Variants in KHDRBS2 observed in about 807,000 individuals in gnomAD.
KHDRBS2 encodes KH RNA binding domain containing, signal transduction associated 2.
In KHDRBS2, 26 loss-of-function variants were observed where a neutral mutation model predicts 44.3. The observed-to-expected ratio is 0.59, with a 90% CI of 0.43 to 0.81. The LOEUF (loss-of-function observed/expected upper bound fraction) is 0.81. Among genes scored for constraint, KHDRBS2 ranks in the 40% least tolerant of loss-of-function variants. The pLI is 0.00. For missense variants in KHDRBS2, 476 were observed against 433.1 expected (o/e 1.10, Z -0.88); for synonymous variants, 194 against 151.1 (o/e 1.28, Z -2.08).
At chr6:61,667,783 T>C in the KHDRBS2 span, among the ~76,000 whole-genome samples, 1 of 151,332 alleles carries the variant, frequency 6.6e-6, no homozygotes. Flanking sequence ...CAGGCTAGCA[T>C]TACTAGCATT....
intron 3 of KHDRBS2, among the ~76,000 whole-genome samples, chr6:61,984,104 C>T (rs1490182849): frequency 1.3e-5 from 2 of 152,102 alleles, no homozygotes. Context: ...AAAAATTTCA[C>T]CAGAACACTT....
rs530010955 is a variant in KHDRBS2 at position 61,936,266 on chromosome 6, A to C, written c.484-34895T>G. Among the ~76,000 whole-genome samples the C allele has an allele frequency of 6.6e-5, 10 of 152,054 alleles. No homozygotes were observed. In the South Asian group the frequency reaches 1.7e-3, roughly 25 times the overall value. The stretch of plus-strand genomic sequence containing the variant: ...CTTTCTTTTTTTATTCCGTGTAATA[A>C]TTTGGGAAATACATGTTTTGTTTTA... On this transcript the variant is annotated intron_variant, in intron 4 of 8. Coordinates refer to ENST00000281156, the MANE Select transcript of KHDRBS2 (RefSeq NM_152688.4).
At chr6:61,695,528 G>T (rs1442108003) in intron 8 of KHDRBS2, among the ~76,000 whole-genome samples, 9 of 152,164 alleles carry the variant, frequency 5.9e-5, no homozygotes, top group Admixed American at 3.9e-4. Flanking sequence ...AGCCATAATA[G>T]GTACTCCATG....
intron 1 of KHDRBS2, among the ~76,000 whole-genome samples, chr6:62,202,097 G>A (rs950535568): frequency 2.6e-5 from 4 of 152,042 alleles, no homozygotes; most frequent in African/African-American, 9.7e-5. Context: ...TTGTAATTGG[G>A]TATAGGACTT....
intron 2 of KHDRBS2, among the ~76,000 whole-genome samples, chr6:62,122,931 A>T (rs1808040982): frequency 8.0e-6 from 1 of 125,424 alleles, no homozygotes. Context: ...TTTAAGTTCT[A>T]GGGTACATGT....
At chr6:61,774,323 G>A (rs1781555302) in intron 6 of KHDRBS2, among the ~76,000 whole-genome samples, 1 of 152,122 alleles carries the variant, frequency 6.6e-6, no homozygotes, top group Non-Finnish European at 1.5e-5. Context: ...ATTTCATTGA[G>A]CAGTGTAGTT....
rs192238190 is a variant in KHDRBS2, at chr6:61,881,818, G to A, written c.810+12817C>T. Among the ~76,000 whole-genome samples, 12 of 152,074 alleles carry A rather than the reference G, an allele frequency of 7.9e-5. No homozygotes were observed. In the East Asian group the frequency reaches 1.7e-3, roughly 22 times the overall value. On this transcript the variant is annotated intron_variant, in intron 6 of 8. Transcript: ENST00000281156. ...ATTGAATCGGAGGTCTGACAACAAC[G>A]GGTGCTCTGTACCGGTGCAGAACAG...
chr6:61,797,723 TTTTGTGTGTG>T (rs374556188), intron 6 of KHDRBS2, among the ~76,000 whole-genome samples: 22,309 of 130,310 alleles, frequency 0.17, 2,137 homozygotes, highest in South Asian at 0.26. Context: ...CAGTATGGTG[TTTTGTGTGTG>T]TGTGTGTGTG....
the KHDRBS2 span, among the ~76,000 whole-genome samples, chr6:61,572,949 G>A: frequency 1.3e-5 from 2 of 152,278 alleles, no homozygotes; most frequent in South Asian, 2.1e-4. Flanking sequence ...ATTCAACATA[G>A]TACTGGAAGT....
intron 6 of KHDRBS2, among the ~76,000 whole-genome samples, chr6:61,887,242 G>C (rs1446833662): frequency 1.3e-5 from 2 of 152,068 alleles, no homozygotes; most frequent in East Asian, 3.9e-4. Context: ...ACAGTGACTG[G>C]AACCTAGGAG....
intron 3 of KHDRBS2, among the ~76,000 whole-genome samples, chr6:62,033,867 A>C (rs1784782287): frequency 6.6e-6 from 1 of 151,584 alleles, no homozygotes; most frequent in South Asian, 2.1e-4. Flanking sequence ...TGAAAAGTTA[A>C]AAAAATTGAC....
intron 2 of KHDRBS2, among the ~76,000 whole-genome samples, chr6:62,160,990 C>T (rs1458694425): frequency 6.6e-6 from 1 of 152,090 alleles, no homozygotes; most frequent in Non-Finnish European, 1.5e-5. Context: ...ATCCCGCTGC[C>T]AAGACCCTGG....
At chr6:62,261,088 G>A (rs560940287) in intron 1 of KHDRBS2, among the ~76,000 whole-genome samples, 3 of 151,756 alleles carry the variant, frequency 2.0e-5, no homozygotes, top group Non-Finnish European at 4.4e-5. Context: ...CTTTTAATGT[G>A]AAAAACTGAA....
intron 3 of KHDRBS2, 101 bp from the exon 4 acceptor site, chr6:61,978,313 C>T: frequency 1.2e-6 from 1 of 836,788 alleles, no homozygotes; most frequent in Non-Finnish European, 1.8e-6. Context: ...AGCAAATTTT[C>T]CATAATTTGC....
At chr6:61,575,717 C>A in the KHDRBS2 span, among the ~76,000 whole-genome samples, 1 of 152,052 alleles carries the variant, frequency 6.6e-6, no homozygotes, top group Non-Finnish European at 1.5e-5. Context: ...TGCCCAGCAA[C>A]CAATGAGTGG....
At chr6:61,797,172 G>A (rs1785484165) in intron 6 of KHDRBS2, among the ~76,000 whole-genome samples, 2 of 152,080 alleles carry the variant, frequency 1.3e-5, no homozygotes, top group African/African-American at 4.8e-5. Flanking sequence ...AAGGAGGAAA[G>A]CGGAGGTTCT....
chr6:61,917,735 G>T (rs1365589675), intron 4 of KHDRBS2, among the ~76,000 whole-genome samples: 1 of 151,920 alleles, frequency 6.6e-6, no homozygotes, highest in Non-Finnish European at 1.5e-5. Context: ...TGAGGGAAAA[G>T]GGGTATGTAA....
intron 1 of KHDRBS2, among the ~76,000 whole-genome samples, chr6:62,228,633 A>C (rs1470461180): frequency 2.0e-5 from 3 of 151,448 alleles, no homozygotes; most frequent in Admixed American, 6.6e-5. Flanking sequence ...TATGCTGTTG[A>C]TTTGAGGTCT....
chr6:61,624,963 A>C, the KHDRBS2 span, among the ~76,000 whole-genome samples: 5 of 152,126 alleles, frequency 3.3e-5, no homozygotes, highest in Non-Finnish European at 5.9e-5. Context: ...GGGAGTGTTA[A>C]ACTTTGTATC....
Sources: gnomAD v4.1 joint callset for allele counts (sites outside exome capture counted in the v4.1 genomes callset) on GRCh38, gnomAD v4.1.1 for gene constraint, MANE v1.5 for transcripts, NCBI Gene and HGNC (gene_info 2026-07-23, HGNC 2026-07-21) for gene names.